Variants in RTN4IP1 observed in about 807,000 individuals in gnomAD.
RTN4IP1 encodes the protein NAD(P)H oxidoreductase RTN4IP1, mitochondrial.
A neutral mutation model predicts 46.6 loss-of-function variants in RTN4IP1; 32 were observed. The observed-to-expected ratio is 0.69, with a 90% CI of 0.52 to 0.92. The LOEUF (loss-of-function observed/expected upper bound fraction) is 0.92, where lower values mean the gene tolerates loss of function less well. Ranked by LOEUF, RTN4IP1 falls within the 40% of genes least tolerant of loss-of-function variation. The pLI is 0.00. For missense variants in RTN4IP1, 424 were observed against 485.8 expected (o/e 0.87, Z 1.20); for synonymous variants, 167 against 161.8 (o/e 1.03, Z -0.24).
At chr6:106,594,980 T>C (rs1775747582) in intron 5 of RTN4IP1, among the ~76,000 whole-genome samples, 1 of 152,046 alleles carries the variant, frequency 6.6e-6, no homozygotes. Flanking sequence ...TTTTGTATTT[T>C]TAGTAGATAT....
At chr6:106,578,136 GATACTGAGAA>G (rs1775274495) in intron 8 of RTN4IP1, among the ~76,000 whole-genome samples, 1 of 152,146 alleles carries the variant, frequency 6.6e-6, no homozygotes, top group Admixed American at 6.5e-5. Context: ...AGTCCTGCAA[GATACTGAGAA>G]ATACAAGATG....
chr6:106,602,745 C>A, intron 5 of RTN4IP1, 129 bp downstream of exon 5: 1 of 551,490 alleles, frequency 1.8e-6, no homozygotes, highest in Non-Finnish European at 3.1e-6. Context: ...TCTTACAGAA[C>A]AAGCTGAAAT....
chr6:106,576,507 A>T (rs1425606164), intron 8 of RTN4IP1, among the ~76,000 whole-genome samples: 2 of 152,244 alleles, frequency 1.3e-5, no homozygotes, highest in Non-Finnish European at 2.9e-5. Context: ...CTAGGGATTC[A>T]GTCCCTAATC....
At chr6:106,609,763 AT>A (rs1246926619) in intron 4 of RTN4IP1, among the ~76,000 whole-genome samples, 3 of 152,236 alleles carry the variant, frequency 2.0e-5, no homozygotes, top group Non-Finnish European at 4.4e-5. Context: ...TTGTCAGTTC[AT>A]CTCTTCCCTA....
Position 106,572,081 on chromosome 6 carries a change from G to A in RTN4IP1, c.1106C>T (p.Thr369Ile). Residue 369 changes from threonine (T) to isoleucine (I), a missense_variant, in exon 9 of 9, where the codon ACC (threonine) becomes ATC (isoleucine). Thr to Ile is a moderately conservative substitution (Grantham distance 89, BLOSUM62 -1). Transcript: ENST00000369063. The stretch of plus-strand genomic sequence containing the variant: ...TTCTGGAACTTTAGAAAAAGGAAAG[G>A]TTTGTTCAATAACTGGCCGGATCTG... ...AGKIRPVIEQTFPFSKVPEAF... is the reference protein window; with the variant it reads ...AGKIRPVIEQIFPFSKVPEAF... 1 of 1,613,974 alleles carries A rather than the reference G, an allele frequency of 6.2e-7. No homozygotes were observed. The highest frequency in any genetic ancestry group is 8.5e-7 in the Non-Finnish European group (1 of 1,179,868).
chr6:106,606,504 G>A (rs1223315358), intron 4 of RTN4IP1, among the ~76,000 whole-genome samples: 2 of 151,996 alleles, frequency 1.3e-5, no homozygotes, highest in South Asian at 2.1e-4. Context: ...TGAACTAGCT[G>A]AAAAAGAAAT....
At position 106,591,443 on chromosome 6, in the gene RTN4IP1, T is replaced by G. The variant is rs112369744; in HGVS notation, c.806+721A>C. On this transcript the variant is annotated intron_variant, in intron 6 of 8. Coordinates refer to ENST00000369063, the MANE Select transcript of RTN4IP1 (RefSeq NM_032730.5). Reference sequence around the variant, plus strand: ...CCCTTTTTTTTCTTTTTTCTTTCTCTTTAAAAATATACTTCTACTCAATGT... The same window carrying G: ...CCCTTTTTTTTCTTTTTTCTTTCTCGTTAAAAATATACTTCTACTCAATGT... Among the ~76,000 whole-genome samples, 249 of 152,294 alleles carry G rather than the reference T, an allele frequency of 1.6e-3. 1 individual carries two copies. The highest frequency in any genetic ancestry group is 2.4e-3 in the Non-Finnish European group (165 of 68,026).
intron 5 of RTN4IP1, among the ~76,000 whole-genome samples, chr6:106,602,306 G>T (rs1235725405): frequency 6.6e-6 from 1 of 152,076 alleles, no homozygotes; most frequent in Non-Finnish European, 1.5e-5. Flanking sequence ...TTTTGATAGG[G>T]ATTGTACTGA....
chr6:106,629,839 G>A (rs1262393949), upstream of RTN4IP1: 3 of 1,097,604 alleles, frequency 2.7e-6, no homozygotes, highest in East Asian at 2.6e-5. Context: ...TGGGGGATAA[G>A]TACCTTTCGA....
rs536455406 is a variant in RTN4IP1, at chr6:106,587,741, G to A, written c.928C>T (p.Arg310Ter). The change falls in exon 7 of 9, where the codon CGA (arginine) becomes TGA (stop). Residue 310 changes from arginine (R) to a stop codon, truncating the protein, a stop_gained. Transcript: ENST00000369063. LOFTEE classifies it high-confidence loss of function. ...LVTPFLLNMD[R>*]LGIADGMLQT... ...AACATGCCATCTGCTATGCCCAATC[G>A]GTCCATGTTCAGGAGGAAAGGAGTC... 5 of 1,613,788 alleles carry A rather than the reference G, an allele frequency of 3.1e-6. No homozygotes were observed. The highest frequency in any genetic ancestry group is 1.1e-5 in the South Asian group (1 of 91,062).
chr6:106,600,332 AC>A (rs1296366722), intron 5 of RTN4IP1, among the ~76,000 whole-genome samples: 1 of 151,658 alleles, frequency 6.6e-6, no homozygotes, highest in Non-Finnish European at 1.5e-5. Flanking sequence ...TACACATCTG[AC>A]CACAACAGGA....
chr6:106,604,351 C>T lies in RTN4IP1; in HGVS notation c.621-1429G>A, dbSNP rs187831667. On this transcript the variant is annotated intron_variant, in intron 4 of 8. Transcript: ENST00000369063. ...TCCTTCTAGAAGGATTTATAATTTCCAAAATTATAAAGACTAGAAGAAATT... is the reference window on the plus strand; with the variant it reads ...TCCTTCTAGAAGGATTTATAATTTCTAAAATTATAAAGACTAGAAGAAATT... Among the ~76,000 whole-genome samples, 10 of 152,096 alleles carry T rather than the reference C, an allele frequency of 6.6e-5. No homozygotes were observed. The East Asian group carries it at 1.9e-3, about 29-fold the overall frequency.
At chr6:106,629,688 G>A, upstream of RTN4IP1, 1 of 1,606,474 alleles carries the variant, frequency 6.2e-7, no homozygotes, top group South Asian at 1.1e-5. Context: ...GACCATGCTG[G>A]GCCGGAGCCT....
Position 106,592,929 on chromosome 6 carries a change from CA to C in RTN4IP1, c.670-630del, listed in dbSNP as rs35497573. ...GGGGTACAAGAGTGAGACTTCATCT[CA>C]AAAAAAAAAAAGCCTCAAATTTAGC... is the stretch of plus-strand genomic sequence containing the variant. On this transcript the variant is annotated intron_variant, in intron 5 of 8. Coordinates refer to ENST00000369063, the MANE Select transcript of RTN4IP1 (RefSeq NM_032730.5). Among the ~76,000 whole-genome samples, 575 of 113,900 alleles carry C rather than the reference CA, an allele frequency of 5.0e-3. 4 individuals carry two copies. Among genetic ancestry groups the C allele is most frequent in the African/African-American group, 0.014 (415 of 29,606 alleles). The allele number at this position is 113,900 out of a possible 152,430, so 74.7% of individuals were successfully genotyped here. A position where few individuals can be genotyped will look rare whatever the true frequency, so the allele number is the denominator to read the frequency against.
At chr6:106,580,321 A>T (rs1775332380) in intron 8 of RTN4IP1, among the ~76,000 whole-genome samples, 2 of 152,040 alleles carry the variant, frequency 1.3e-5, no homozygotes, top group African/African-American at 4.8e-5. Context: ...TTCAGAGGGT[A>T]AGATAATGGG....
chr6:106,598,501 G>A (rs1406073626), intron 5 of RTN4IP1, among the ~76,000 whole-genome samples: 1 of 150,592 alleles, frequency 6.6e-6, no homozygotes, highest in African/African-American at 2.4e-5. Context: ...CTTCTTTTGA[G>A]AAGTGTCTGT....
intron 7 of RTN4IP1, among the ~76,000 whole-genome samples, chr6:106,586,213 T>C (rs1775480726): frequency 2.0e-5 from 3 of 152,160 alleles, no homozygotes; most frequent in Admixed American, 6.5e-5. Context: ...AATTAATATC[T>C]GGAATAAATA....
At chr6:106,582,003 C>A (rs972317626) in intron 8 of RTN4IP1, among the ~76,000 whole-genome samples, 5 of 152,138 alleles carry the variant, frequency 3.3e-5, no homozygotes, top group African/African-American at 9.7e-5. Context: ...TGTGGGAGAA[C>A]CCCACAAAGG....
intron 8 of RTN4IP1, among the ~76,000 whole-genome samples, chr6:106,572,930 A>G (rs910442665): frequency 1.3e-5 from 2 of 152,218 alleles, no homozygotes; most frequent in African/African-American, 2.4e-5. Context: ...AGCTTCATCA[A>G]TGTCACTTAG....
Sources: allele counts gnomAD v4.1 joint callset (sites outside exome capture counted in the v4.1 genomes callset), GRCh38; gene constraint gnomAD v4.1.1; transcripts MANE v1.5; gene names NCBI Gene and HGNC (gene_info 2026-07-23, HGNC 2026-07-21).